Variants in SPATS2L observed in about 807,000 individuals in gnomAD.
SPATS2L encodes SPATS2-like protein.
Under a neutral mutation model 59.6 loss-of-function variants are expected in SPATS2L, and 30 were observed. The ratio of observed to expected loss-of-function variants is 0.50; its 90% CI spans 0.38 to 0.68. The LOEUF (loss-of-function observed/expected upper bound fraction) is 0.68, where lower values mean the gene tolerates loss of function less well. Ranked by LOEUF, SPATS2L falls within the 30% of genes least tolerant of loss-of-function variation. SPATS2L has a pLI of 0.00. For synonymous variants in SPATS2L, 252 were observed against 263.5 expected (o/e 0.96, Z 0.42); for missense variants, 615 against 700.0 (o/e 0.88, Z 1.37).
At chr2:200,350,910 T>A (rs976196564) in intron 2 of SPATS2L, among the ~76,000 whole-genome samples, 24 of 152,140 alleles carry the variant, frequency 1.6e-4, no homozygotes, top group African/African-American at 4.1e-4. Context: ...AATTTTTTTT[T>A]GTTTCCTTTG....
At chr2:200,464,897 GC>G (rs1171462748) in intron 9 of SPATS2L, among the ~76,000 whole-genome samples, 33 of 152,218 alleles carry the variant, frequency 2.2e-4, no homozygotes, top group African/African-American at 6.5e-4. Flanking sequence ...AATTATAATG[GC>G]AAACAAATAA....
intron 8 of SPATS2L, among the ~76,000 whole-genome samples, chr2:200,442,649 G>A (rs1177806538): frequency 6.6e-6 from 1 of 152,166 alleles, no homozygotes; most frequent in African/African-American, 2.4e-5. Context: ...ACAAAGTGTA[G>A]CAATGCCCTC....
At chr2:200,343,399 C>T (rs1204387511) in intron 2 of SPATS2L, among the ~76,000 whole-genome samples, 1 of 152,162 alleles carries the variant, frequency 6.6e-6, no homozygotes, top group Non-Finnish European at 1.5e-5. Context: ...GATACAAGCA[C>T]ATCTATCATA....
chr2:200,349,306 A>G (rs998065578), intron 2 of SPATS2L, among the ~76,000 whole-genome samples: 1 of 152,190 alleles, frequency 6.6e-6, no homozygotes, highest in Non-Finnish European at 1.5e-5. Flanking sequence ...ACCGAGATCT[A>G]GAAAGGAGAA....
intron 1 of SPATS2L, among the ~76,000 whole-genome samples, chr2:200,312,064 A>G (rs544252792): frequency 2.6e-5 from 4 of 152,204 alleles, no homozygotes; most frequent in African/African-American, 4.8e-5. Context: ...GTGTTCAATA[A>G]TGGAACCTAA....
At chr2:200,311,492 C>T (rs2079190472) in intron 1 of SPATS2L, among the ~76,000 whole-genome samples, 1 of 152,182 alleles carries the variant, frequency 6.6e-6, no homozygotes, top group Non-Finnish European at 1.5e-5. Flanking sequence ...TTTTATACGT[C>T]AAACAATTAG....
intron 10 of SPATS2L, among the ~76,000 whole-genome samples, chr2:200,467,671 C>T (rs1405525796): frequency 6.6e-6 from 1 of 152,114 alleles, no homozygotes; most frequent in Non-Finnish European, 1.5e-5. Flanking sequence ...GTAACTTGGC[C>T]AGGCCATGAA....
In SPATS2L at chr2:200,306,869, G is replaced by A. The variant is rs1462830079; in HGVS notation, c.-126G>A. 1.9e-5 allele frequency: 19 copies of A among 980,790 alleles called. No individual in the cohort carries two copies. The East Asian group carries it at 5.8e-4, about 30-fold the overall frequency. The allele number at this position is 980,790 out of a possible 1,614,324, so 60.8% of individuals were successfully genotyped here. On this transcript the variant is annotated 5_prime_UTR_variant, in exon 1 of 13. Transcript: ENST00000409140. ...CCGCGGCGCCTCCCCTGGCGACCGC[G>A]CCCCCGGGCCCCGGCTCCGGCCCGG...
chr2:200,396,248 G>C lies in SPATS2L; in HGVS notation c.39+6965G>C, dbSNP rs1436633923. ...CAGCTCAGTCTATAATGTCATCGCTGAGCTGCGCCACTCACTGTGAATAGC... is the reference window on the plus strand; with the variant it reads ...CAGCTCAGTCTATAATGTCATCGCTCAGCTGCGCCACTCACTGTGAATAGC... On this transcript the variant is annotated intron_variant, in intron 3 of 12. Coordinates refer to ENST00000409140, the MANE Select transcript of SPATS2L (RefSeq NM_001100423.2). Among the ~76,000 whole-genome samples, 5 of 151,596 alleles carry C rather than the reference G, an allele frequency of 3.3e-5. No homozygotes were observed. The East Asian group carries it at 9.7e-4, about 29-fold the overall frequency.
intron 10 of SPATS2L, 130 bp from the exon 11 acceptor site, chr2:200,469,784 C>T (rs2086887449): frequency 1.5e-6 from 1 of 666,358 alleles, no homozygotes; most frequent in Non-Finnish European, 2.6e-6. Flanking sequence ...CTCCCAGCAA[C>T]AGGGCTGGAA....
Position 200,440,795 on chromosome 2 carries a change from C to G in SPATS2L, c.788+11C>G, listed in dbSNP as rs1574554294. On this transcript the variant is annotated intron_variant, in intron 8 of 12. Coordinates refer to ENST00000409140, the MANE Select transcript of SPATS2L (RefSeq NM_001100423.2). ...TGAATTACACAACTGGTGAGTGATT[C>G]AACGTAGGAACCATAAATTTGTGAT... The G allele has an allele frequency of 1.2e-6, 2 of 1,612,500 alleles. No homozygotes were observed. The highest frequency in any genetic ancestry group is 1.7e-6 in the Non-Finnish European group (2 of 1,179,078).
chr2:200,371,567 G>C (rs79841311), intron 2 of SPATS2L, among the ~76,000 whole-genome samples: 97 of 152,184 alleles, frequency 6.4e-4, no homozygotes, highest in Non-Finnish European at 1.1e-3. Flanking sequence ...TTACAGCTCA[G>C]GAGTATGTAT....
chr2:200,360,034 A>G (rs926798937), intron 2 of SPATS2L, among the ~76,000 whole-genome samples: 1 of 152,246 alleles, frequency 6.6e-6, no homozygotes, highest in Admixed American at 6.5e-5. Flanking sequence ...CTATTTTAGA[A>G]TATTTCTATA....
chr2:200,386,895 G>A (rs367830277), intron 2 of SPATS2L, among the ~76,000 whole-genome samples: 6 of 152,038 alleles, frequency 3.9e-5, no homozygotes, highest in South Asian at 4.1e-4. Flanking sequence ...TATATACAAT[G>A]TATGTTTACA....
chr2:200,419,576 ATGT>A (rs1328237643), intron 6 of SPATS2L, 80 bp downstream of exon 6: 67 of 1,505,742 alleles, frequency 4.4e-5, no homozygotes, highest in East Asian at 1.1e-4. Flanking sequence ...GCTGCTGTTG[ATGT>A]TGTTGAAAAT....
intron 8 of SPATS2L, among the ~76,000 whole-genome samples, chr2:200,446,077 G>A (rs1340165275): frequency 6.6e-6 from 1 of 152,118 alleles, no homozygotes; most frequent in African/African-American, 2.4e-5. Context: ...AGTGGCTCAC[G>A]CCTGTAATCC....
Position 200,309,142 on chromosome 2 carries a change from T to G in SPATS2L, c.-73+2220T>G. 4.2e-6 allele frequency: 3 copies of G among 717,548 alleles called. No individual in the cohort carries two copies. The South Asian group carries it at 4.4e-5, about 11-fold the overall frequency. 44.4% of individuals were successfully genotyped at this position (717,548 alleles called of 1,614,324 possible). A position where few individuals can be genotyped will look rare whatever the true frequency, so the allele number is the denominator to read the frequency against. On this transcript the variant is annotated intron_variant, in intron 1 of 12. Transcript: ENST00000409140. ...GTTAAGCTTTAGAAATATCTCACTT[T>G]GGGGCCTAATTTTTGTGAGTTTCTC... is the stretch of plus-strand genomic sequence containing the variant.
At chr2:200,400,266 C>G (rs931990834) in intron 3 of SPATS2L, among the ~76,000 whole-genome samples, 6 of 152,094 alleles carry the variant, frequency 3.9e-5, no homozygotes, top group Middle Eastern at 3.2e-3. Context: ...TAGGTATAAC[C>G]AGCTGGCTGA....
chr2:200,312,038 G>A (rs2079208258), intron 1 of SPATS2L, among the ~76,000 whole-genome samples: 1 of 152,178 alleles, frequency 6.6e-6, no homozygotes, highest in South Asian at 2.1e-4. Flanking sequence ...AGTCTTCTGA[G>A]CATTGGTGGG....
Sources: allele counts gnomAD v4.1 joint callset (sites outside exome capture counted in the v4.1 genomes callset), GRCh38; gene constraint gnomAD v4.1.1; transcripts MANE v1.5; gene names NCBI Gene and HGNC (gene_info 2026-07-23, HGNC 2026-07-21).